SREBF2: variants seen among roughly 807,000 people sequenced by gnomAD.
SREBF2 encodes the protein sterol regulatory element-binding protein 2.
SREBF2 carries 55 observed loss-of-function variants against 113.1 expected under a neutral mutation model. The ratio of observed to expected loss-of-function variants is 0.49; its 90% CI spans 0.39 to 0.61. SREBF2 has a LOEUF of 0.61. Ranked by LOEUF, SREBF2 falls within the 20% of genes least tolerant of loss-of-function variation. SREBF2 has a pLI of 0.00. For missense variants in SREBF2, 1,349 were observed against 1,487.4 expected (o/e 0.91, Z 1.53); for synonymous variants, 593 against 605.7 (o/e 0.98, Z 0.31).
At chr22:41,900,532 T>TC in intron 16 of SREBF2, 34 bp downstream of exon 16, 1 of 1,604,356 alleles carries the variant, frequency 6.2e-7, no homozygotes, top group Non-Finnish European at 8.5e-7. Context: ...CTGGGGGAGG[T>TC]GCTCTGCACT....
At chr22:41,886,460 G>GC (rs1156261301) in intron 11 of SREBF2, among the ~76,000 whole-genome samples, 1 of 152,018 alleles carries the variant, frequency 6.6e-6, no homozygotes, top group Non-Finnish European at 1.5e-5. Flanking sequence ...TAACTTCCAT[G>GC]CCCCCCAAAA....
At chr22:41,858,253 G>T (rs1350621663) in intron 1 of SREBF2, among the ~76,000 whole-genome samples, 7 of 152,162 alleles carry the variant, frequency 4.6e-5, no homozygotes, top group Non-Finnish European at 1.5e-5. Flanking sequence ...TTGTTGGGCA[G>T]CTCTAATATG....
chr22:41,853,753 CG>C (rs1415189837), intron 1 of SREBF2, among the ~76,000 whole-genome samples: 1 of 152,086 alleles, frequency 6.6e-6, no homozygotes, highest in Non-Finnish European at 1.5e-5. Context: ...AAAGCATGAT[CG>C]GTCAGGTGCA....
At chr22:41,902,047 C>T (rs2077469783) in intron 16 of SREBF2, among the ~76,000 whole-genome samples, 1 of 152,218 alleles carries the variant, frequency 6.6e-6, no homozygotes, top group African/African-American at 2.4e-5. Context: ...CACACAACAG[C>T]CAGAAAACAG....
intron 13 of SREBF2, 133 bp from the exon 14 acceptor site, chr22:41,896,919 G>T: frequency 3.0e-6 from 2 of 674,212 alleles, no homozygotes; most frequent in South Asian, 1.5e-5. Context: ...CAGCGCTTGC[G>T]TGTGCCTGGG....
chr22:41,869,229 C>T (rs1317919790), intron 3 of SREBF2, among the ~76,000 whole-genome samples: 5 of 152,052 alleles, frequency 3.3e-5, no homozygotes, highest in East Asian at 1.9e-4. Flanking sequence ...TTCAGCCTCC[C>T]GAGTAGCTGG....
chr22:41,867,315 G>C, intron 2 of SREBF2, 35 bp downstream of exon 2: 11 of 1,609,564 alleles, frequency 6.8e-6, no homozygotes, highest in Non-Finnish European at 9.4e-6. Context: ...TGGTTGGTTG[G>C]TTCCAATGTT....
At position 41,903,049 on chromosome 22, in the gene SREBF2, C is replaced by T. The variant is rs763222912; in HGVS notation, c.2987C>T (p.Ala996Val). 3.0e-5 allele frequency: 49 copies of T among 1,607,718 alleles called. 2 individuals are homozygous for T. In the South Asian group the frequency reaches 4.5e-4, roughly 15 times the overall value. The part of the protein sequence containing the change: ...LWQKQASASQ[A>V]VGETYHASGA... ...CAAAAACAGGCCAGTGCCAGCCAGGCTGTGGGGGAGACCTACCACGCGTCA... is the reference window on the plus strand; with the variant it reads ...CAAAAACAGGCCAGTGCCAGCCAGGTTGTGGGGGAGACCTACCACGCGTCA... Residue 996 changes from alanine (A) to valine (V), a missense_variant, in exon 17 of 19, where the codon GCT (alanine) becomes GTT (valine). By Grantham distance (64) the Ala-to-Val change is moderately conservative. Around this residue, in one of 2 missense-constraint regions of SREBF2, gnomAD observed 650 missense variants for 644.1 expected, o/e 1.01. Coordinates refer to ENST00000361204, the MANE Select transcript of SREBF2 (RefSeq NM_004599.4).
intron 1 of SREBF2, among the ~76,000 whole-genome samples, chr22:41,848,489 T>A (rs1216114368): frequency 2.0e-5 from 3 of 152,214 alleles, no homozygotes; most frequent in African/African-American, 7.2e-5. Flanking sequence ...GTCTGTGTTT[T>A]AGCATTAGGC....
At chr22:41,862,093 A>G (rs886963109) in intron 1 of SREBF2, among the ~76,000 whole-genome samples, 1 of 152,180 alleles carries the variant, frequency 6.6e-6, no homozygotes, top group Non-Finnish European at 1.5e-5. Context: ...CTGTAACCCT[A>G]TTTGGAGGCT....
intron 16 of SREBF2, 118 bp from the exon 17 acceptor site, chr22:41,902,852 C>A: frequency 8.7e-7 from 1 of 1,153,156 alleles, no homozygotes; most frequent in Non-Finnish European, 1.3e-6. Context: ...CTGGGGCTCT[C>A]CACTTCCTCC....
In SREBF2 at chr22:41,904,845, AC is replaced by A; in HGVS notation, c.3094-14del. On this transcript the variant is annotated splice_polypyrimidine_tract_variant and intron_variant, in intron 17 of 18. Coordinates refer to ENST00000361204, the MANE Select transcript of SREBF2 (RefSeq NM_004599.4). ...GGGGACCAGGGGTGTGATGGATGTCACCCCGGCACCTCCCCAGGTGTTCCTG... is the reference window on the plus strand; with the variant it reads ...GGGGACCAGGGGTGTGATGGATGTCACCCGGCACCTCCCCAGGTGTTCCTG... 6.4e-7 allele frequency: 1 copy of A among 1,564,858 alleles called. No homozygotes were observed.
Position 41,867,095 on chromosome 22 carries a change from C to A in SREBF2, c.353C>A (p.Pro118His). The change falls in exon 2 of 19, where the codon CCC becomes CAC. Residue 118 changes from proline to histidine, a missense_variant. Pro to His is a moderately conservative substitution (Grantham distance 77, BLOSUM62 -2). Coordinates refer to ENST00000361204, the MANE Select transcript of SREBF2 (RefSeq NM_004599.4). ...QAPTLQVKVS[P>H]TSVPTTPRAT... ...CCAACTCTGCAAGTCAAGGTTTCTC[C>A]CACCTCAGTTCCCACCACACCCAGG... 1 of 1,614,192 alleles carries A rather than the reference C, an allele frequency of 6.2e-7. No individual in the cohort carries two copies. The highest frequency in any genetic ancestry group is 8.5e-7 in the Non-Finnish European group (1 of 1,180,018).
intron 11 of SREBF2, among the ~76,000 whole-genome samples, chr22:41,890,672 A>ATTT (rs376557873): frequency 1.4e-5 from 2 of 147,284 alleles, no homozygotes; most frequent in African/African-American, 5.0e-5. Flanking sequence ...TTAAAAAAAA[A>ATTT]TTTTTTTTTT....
chr22:41,895,967 C>T (rs1227545307), intron 13 of SREBF2, among the ~76,000 whole-genome samples: 1 of 152,026 alleles, frequency 6.6e-6, no homozygotes, highest in East Asian at 2.0e-4. Context: ...CACGGTGAAA[C>T]CCCGTCTACT....
In SREBF2 at chr22:41,905,707, C is replaced by T; in HGVS notation, c.*47C>T. 6.6e-7 allele frequency: 1 copy of T among 1,525,068 alleles called. No homozygotes were observed. Among genetic ancestry groups the T allele is most frequent in the Non-Finnish European group, 8.9e-7 (1 of 1,123,540 alleles). 94.5% of individuals were successfully genotyped at this position (1,525,068 alleles called of 1,614,324 possible). ...TCCACCTCTCTCTCGATTTCTCTCT[C>T]TCCCCCTCAGCATCTTCCCGCTGAG... On this transcript the variant is annotated 3_prime_UTR_variant, in exon 19 of 19. Coordinates refer to ENST00000361204, the MANE Select transcript of SREBF2 (RefSeq NM_004599.4).
intron 1 of SREBF2, among the ~76,000 whole-genome samples, chr22:41,844,065 C>CACACACACACACACACACACAT (rs369136150): frequency 1.4e-5 from 2 of 146,028 alleles, no homozygotes; most frequent in Non-Finnish European, 3.0e-5. Context: ...CACACACACA[C>CACACACACACACACACACACAT]GTATATGTAT....
At chr22:41,865,913 C>T (rs1569387146) in intron 1 of SREBF2, among the ~76,000 whole-genome samples, 1 of 152,184 alleles carries the variant, frequency 6.6e-6, no homozygotes, top group South Asian at 2.1e-4. Context: ...TATGGTTTTT[C>T]CATTCTTTGC....
intron 10 of SREBF2, among the ~76,000 whole-genome samples, chr22:41,881,569 A>C (rs1171281537): frequency 6.6e-6 from 1 of 152,226 alleles, no homozygotes; most frequent in African/African-American, 2.4e-5. Flanking sequence ...GCCTCTGGGC[A>C]GAGGGATGTT....
Sources: allele counts gnomAD v4.1 joint callset (sites outside exome capture counted in the v4.1 genomes callset), GRCh38; gene constraint gnomAD v4.1.1; regional missense constraint gnomAD v4.1.1; transcripts MANE v1.5; gene names NCBI Gene and HGNC (gene_info 2026-07-23, HGNC 2026-07-21).